The following SORL1 variants were observed in gnomAD, a reference collection of about 807,000 sequenced individuals.
SORL1 encodes sortilin-related receptor.
SORL1 carries 127 observed loss-of-function variants against 273.7 expected under a neutral mutation model. The observed-to-expected ratio is 0.46, with a 90% CI of 0.40 to 0.54. The LOEUF is 0.54. Among genes scored for constraint, SORL1 ranks in the 20% least tolerant of loss-of-function variants. SORL1 has a pLI of 0.00. For synonymous variants in SORL1, 1,031 were observed against 1,067.4 expected, an observed-to-expected ratio of 0.97 and a Z score of 0.66; for missense variants, 2,494 against 2,846.1, an observed-to-expected ratio of 0.88 and a Z score of 2.81.
At chr11:121,494,611 G>A (rs1313033723) in intron 5 of SORL1, among the ~76,000 whole-genome samples, 2 of 152,196 alleles carry the variant, frequency 1.3e-5, no homozygotes, top group Non-Finnish European at 2.9e-5. Flanking sequence ...GTGTCAGTGA[G>A]CGTAAGACAT....
chr11:121,619,015 C>T (rs2134944761), intron 42 of SORL1, 122 bp downstream of exon 42: 1 of 980,174 alleles, frequency 1.0e-6, no homozygotes, highest in Non-Finnish European at 1.5e-6. Context: ...TGACGAGAGG[C>T]AACTTCCTCT....
intron 12 of SORL1, among the ~76,000 whole-genome samples, chr11:121,540,027 T>TACAG (rs2134881482): frequency 6.6e-6 from 1 of 152,362 alleles, no homozygotes; most frequent in South Asian, 2.1e-4. Context: ...CTTATCTTGC[T>TACAG]ACTATTCCAA....
chr11:121,588,446 C>T (rs1168312087), intron 28 of SORL1, among the ~76,000 whole-genome samples: 1 of 152,152 alleles, frequency 6.6e-6, no homozygotes, highest in Non-Finnish European at 1.5e-5. Context: ...TCAAGGGTCG[C>T]TGAAAGTGAG....
At chr11:121,540,521 A>G (rs1195291303) in intron 12 of SORL1, among the ~76,000 whole-genome samples, 1 of 102,532 alleles carries the variant, frequency 9.8e-6, no homozygotes, top group Non-Finnish European at 2.2e-5. Flanking sequence ...TACTAAAAAT[A>G]CAAAAAAAAA....
chr11:121,567,045 C>T lies in SORL1; in HGVS notation c.3155C>T (p.Pro1052Leu). The part of the protein sequence containing the change: ...CPEDVSSSVL[P>L]SGDLMCDCPQ... ...GAGGATGTGTCCAGCAGTGTGCTTC[C>T]ATCAGGGGACCTGATGTGTGACTGC... Residue 1052 changes from proline (P) to leucine (L), a missense_variant, in exon 22 of 48, where the codon CCA becomes CTA. This residue lies in a region of SORL1 where 1,609 missense variants were observed against 1,816.4 expected (regional missense o/e 0.89). Coordinates refer to ENST00000260197, the MANE Select transcript of SORL1 (RefSeq NM_003105.6). 11 of 1,614,176 alleles carry T rather than the reference C, an allele frequency of 6.8e-6. No individual in the cohort carries two copies. The highest frequency in any genetic ancestry group is 9.3e-6 in the Non-Finnish European group (11 of 1,179,994).
intron 6 of SORL1, among the ~76,000 whole-genome samples, chr11:121,500,630 A>G (rs1405699099): frequency 6.6e-6 from 1 of 152,172 alleles, no homozygotes; most frequent in Non-Finnish European, 1.5e-5. Context: ...ACCTTTACAG[A>G]TAGTTGTCTG....
At chr11:121,604,754 G>A (rs1462054594) in intron 33 of SORL1, among the ~76,000 whole-genome samples, 1 of 152,078 alleles carries the variant, frequency 6.6e-6, no homozygotes, top group Non-Finnish European at 1.5e-5. Context: ...AAATTCGAGG[G>A]AAAATATCAC....
At chr11:121,484,644 G>A (rs1024777745) in intron 3 of SORL1, among the ~76,000 whole-genome samples, 4 of 152,054 alleles carry the variant, frequency 2.6e-5, no homozygotes, top group African/African-American at 7.2e-5. Context: ...CAAGTTTTGC[G>A]TATAGTAAAA....
chr11:121,621,666 T>C (rs1863725068), intron 44 of SORL1, among the ~76,000 whole-genome samples: 1 of 152,144 alleles, frequency 6.6e-6, no homozygotes, highest in East Asian at 1.9e-4. Flanking sequence ...GGGCAGTAGA[T>C]CAAAGGGCAG....
In SORL1 at chr11:121,630,476, C is replaced by T. The variant is rs958061589; in HGVS notation, c.*913C>T. ...GATCCATACACTGGCTAATAGAGTA[C>T]ATAATTTTTCCATTTTCCATTTTTT... On this transcript the variant is annotated 3_prime_UTR_variant, in exon 48 of 48. Coordinates refer to ENST00000260197, the MANE Select transcript of SORL1 (RefSeq NM_003105.6). 2 of 152,172 alleles carry T rather than the reference C, an allele frequency of 1.3e-5. No individual in the cohort carries two copies. Among genetic ancestry groups the T allele is most frequent in the Non-Finnish European group, 2.9e-5 (2 of 68,028 alleles). The allele number at this position is 152,172 out of a possible 1,614,324, so 9.4% of individuals were successfully genotyped here. A position where few individuals can be genotyped will look rare whatever the true frequency, so the allele number is the denominator to read the frequency against.
chr11:121,523,778 G>A (rs1281612421), intron 11 of SORL1, among the ~76,000 whole-genome samples: 3 of 152,102 alleles, frequency 2.0e-5, no homozygotes, highest in Non-Finnish European at 4.4e-5. Flanking sequence ...CCTTGTCATC[G>A]AGCAGCCCCG....
intron 2 of SORL1, among the ~76,000 whole-genome samples, chr11:121,474,850 T>A (rs1004947950): frequency 1.3e-5 from 2 of 152,274 alleles, no homozygotes; most frequent in African/African-American, 4.8e-5. Context: ...AACTGCACAC[T>A]GGCAGAGGCC....
At chr11:121,548,696 A>G (rs1862467291) in intron 14 of SORL1, among the ~76,000 whole-genome samples, 1 of 152,064 alleles carries the variant, frequency 6.6e-6, no homozygotes, top group Non-Finnish European at 1.5e-5. Flanking sequence ...CCTCCAGAGT[A>G]GCTGGGATTA....
chr11:121,501,796 C>T (rs892222165), intron 6 of SORL1, among the ~76,000 whole-genome samples: 2 of 152,174 alleles, frequency 1.3e-5, no homozygotes, highest in African/African-American at 4.8e-5. Flanking sequence ...AGCTACAATT[C>T]AAGATGAGAT....
chr11:121,459,674 T>C (rs1416825901), intron 1 of SORL1, among the ~76,000 whole-genome samples: 1 of 152,236 alleles, frequency 6.6e-6, no homozygotes, highest in African/African-American at 2.4e-5. Context: ...TTTGCTAAGG[T>C]GGAGCGCAGA....
chr11:121,493,642 G>C (rs974712721), intron 5 of SORL1, among the ~76,000 whole-genome samples: 1 of 152,198 alleles, frequency 6.6e-6, no homozygotes, highest in Admixed American at 6.5e-5. Flanking sequence ...CCCTTTGGCT[G>C]TGATATGAGA....
chr11:121,503,002 C>A (rs971047241), intron 6 of SORL1, among the ~76,000 whole-genome samples: 3 of 152,042 alleles, frequency 2.0e-5, no homozygotes, highest in Non-Finnish European at 4.4e-5. Context: ...TCCCAAGTAG[C>A]TGGGACCACA....
chr11:121,522,980 G>A lies in SORL1; in HGVS notation c.1587G>A (p.Arg529=). ...NVYISSSAGA[R]WREALPGPHY... is the part of the protein sequence containing the mutation. Reference sequence around the variant, plus strand: ...ACATCTCTAGCAGTGCTGGAGCCAGGTGGCGAGAGGTCAGCCCCCTCCCCC... The same window carrying A: ...ACATCTCTAGCAGTGCTGGAGCCAGATGGCGAGAGGTCAGCCCCCTCCCCC... The change falls in exon 11 of 48, where the codon AGG becomes AGA. Residue 529 remains arginine (R), a synonymous_variant. Coordinates refer to ENST00000260197, the MANE Select transcript of SORL1 (RefSeq NM_003105.6). 1 of 1,612,316 alleles carries A rather than the reference G, an allele frequency of 6.2e-7. No individual in the cohort carries two copies. The highest frequency in any genetic ancestry group is 8.5e-7 in the Non-Finnish European group (1 of 1,178,408).
At chr11:121,551,933 G>T (rs919967497) in intron 16 of SORL1, among the ~76,000 whole-genome samples, 3 of 152,288 alleles carry the variant, frequency 2.0e-5, no homozygotes, top group African/African-American at 7.2e-5. Flanking sequence ...GGGTTAGTAG[G>T]GTTTGAGTGA....
Sources: allele counts gnomAD v4.1 joint callset (sites outside exome capture counted in the v4.1 genomes callset), GRCh38; gene constraint gnomAD v4.1.1; regional missense constraint gnomAD v4.1.1; transcripts MANE v1.5; gene names NCBI Gene and HGNC (gene_info 2026-07-23, HGNC 2026-07-21).